ADAMTS6: variants seen among roughly 807,000 people sequenced by gnomAD.
The protein encoded by ADAMTS6 is ADAM metallopeptidase with thrombospondin type 1 motif 6.
Under a neutral mutation model 144.3 loss-of-function variants are expected in ADAMTS6, and 23 were observed. That is an observed-to-expected ratio of 0.16 (90% confidence interval 0.11 to 0.23). ADAMTS6 has a LOEUF of 0.23. ADAMTS6 is among the 10% of genes least tolerant of loss of function. ADAMTS6 has a pLI of 1.00. For synonymous variants in ADAMTS6, 444 were observed against 457.5 expected, an observed-to-expected ratio of 0.97 and a Z score of 0.38; for missense variants, 999 against 1,379.6, an observed-to-expected ratio of 0.72 and a Z score of 4.37.
intron 1 of ADAMTS6, among the ~76,000 whole-genome samples, chr5:65,480,747 T>A (rs1761143235): frequency 6.6e-6 from 1 of 152,194 alleles, no homozygotes; most frequent in Non-Finnish European, 1.5e-5. Flanking sequence ...CGGAGGGTTA[T>A]GAGTCTAGCA....
chr5:65,435,213 TA>T (rs1757297977), intron 7 of ADAMTS6, among the ~76,000 whole-genome samples: 1 of 152,156 alleles, frequency 6.6e-6, no homozygotes, highest in South Asian at 2.1e-4. Context: ...TGTTATTCCT[TA>T]ATCTTTGGGT....
intron 4 of ADAMTS6, among the ~76,000 whole-genome samples, chr5:65,455,252 A>C (rs747658803): frequency 6.6e-6 from 1 of 152,218 alleles, no homozygotes; most frequent in Non-Finnish European, 1.5e-5. Context: ...CTCATTTAAA[A>C]TGTATTCAGG....
chr5:65,362,896 A>C (rs1048039577), intron 7 of ADAMTS6, among the ~76,000 whole-genome samples: 2 of 152,214 alleles, frequency 1.3e-5, no homozygotes, highest in African/African-American at 4.8e-5. Context: ...CTGAATAAAA[A>C]TAATTTGCTT....
chr5:65,172,246 C>G (rs1753678438), intron 23 of ADAMTS6, among the ~76,000 whole-genome samples: 1 of 150,302 alleles, frequency 6.7e-6, no homozygotes, highest in African/African-American at 2.5e-5. Context: ...GTCCCTGTCT[C>G]TACTAAAAAT....
chr5:65,306,824 C>A (rs1743981324), intron 9 of ADAMTS6, among the ~76,000 whole-genome samples: 1 of 152,116 alleles, frequency 6.6e-6, no homozygotes, highest in South Asian at 2.1e-4. Context: ...ATCTCAGATG[C>A]CTTCTTTTGT....
intron 7 of ADAMTS6, among the ~76,000 whole-genome samples, chr5:65,410,779 T>A (rs781715987): frequency 1.3e-5 from 2 of 152,198 alleles, no homozygotes; most frequent in African/African-American, 2.4e-5. Context: ...GCAGTATTTG[T>A]CTTTCTATGC....
intron 24 of ADAMTS6, among the ~76,000 whole-genome samples, chr5:65,159,780 A>G (rs1303069055): frequency 1.3e-5 from 2 of 152,248 alleles, no homozygotes; most frequent in Non-Finnish European, 2.9e-5. Context: ...ATGTTTGCTA[A>G]GTAAATAAAT....
At chr5:65,332,490 T>G (rs1463628753) in intron 8 of ADAMTS6, among the ~76,000 whole-genome samples, 1 of 151,858 alleles carries the variant, frequency 6.6e-6, no homozygotes, top group Non-Finnish European at 1.5e-5. Flanking sequence ...TAATAAATAC[T>G]TAGAGAATCT....
At chr5:65,370,674 G>A (rs984499367) in intron 7 of ADAMTS6, among the ~76,000 whole-genome samples, 2 of 152,174 alleles carry the variant, frequency 1.3e-5, no homozygotes, top group Admixed American at 6.5e-5. Context: ...GAGATCAAAC[G>A]GCAAAGGGCA....
intron 7 of ADAMTS6, among the ~76,000 whole-genome samples, chr5:65,426,982 A>T (rs552749189): frequency 6.6e-6 from 1 of 152,162 alleles, no homozygotes; most frequent in Non-Finnish European, 1.5e-5. Context: ...AACAGAACAA[A>T]CTTTACAGCT....
intron 22 of ADAMTS6, among the ~76,000 whole-genome samples, chr5:65,187,127 G>T (rs927088305): frequency 1.3e-5 from 2 of 152,160 alleles, no homozygotes; most frequent in African/African-American, 4.8e-5. Flanking sequence ...TTGCTAACTT[G>T]AAAGAAATAT....
chr5:65,350,923 C>T (rs1748794611), intron 7 of ADAMTS6, among the ~76,000 whole-genome samples: 1 of 152,194 alleles, frequency 6.6e-6, no homozygotes, highest in Non-Finnish European at 1.5e-5. Flanking sequence ...GCTGGGATTA[C>T]AAGTGTGAGC....
chr5:65,409,246 C>T (rs1217479513), intron 7 of ADAMTS6, among the ~76,000 whole-genome samples: 1 of 152,072 alleles, frequency 6.6e-6, no homozygotes, highest in African/African-American at 2.4e-5. Flanking sequence ...AACTGATAGA[C>T]CGCTAGCAAG....
intron 7 of ADAMTS6, among the ~76,000 whole-genome samples, chr5:65,414,014 C>G (rs1373443942): frequency 6.6e-6 from 1 of 152,130 alleles, no homozygotes; most frequent in Admixed American, 6.5e-5. Flanking sequence ...TGACCACTCC[C>G]TTTTCCTAGG....
chr5:65,271,546 C>T (rs1413592978), intron 12 of ADAMTS6, among the ~76,000 whole-genome samples: 2 of 151,966 alleles, frequency 1.3e-5, no homozygotes, highest in Non-Finnish European at 2.9e-5. Flanking sequence ...CACATATATG[C>T]TATAAGATAT....
chr5:65,170,783 A>C lies in ADAMTS6; in HGVS notation c.3088-10T>G. The C allele has an allele frequency of 6.2e-7, 1 of 1,603,472 alleles. No homozygotes were observed. The highest frequency in any genetic ancestry group is 2.2e-5 in the East Asian group (1 of 44,670). ...CACACTGAGCAGAACACTAAATCCA[A>C]AGACACAAAGAAACAAAATATTAAT... On this transcript the variant is annotated splice_polypyrimidine_tract_variant and intron_variant, in intron 23 of 24. Transcript: ENST00000381055.
intron 22 of ADAMTS6, among the ~76,000 whole-genome samples, chr5:65,185,337 G>T (rs971009270): frequency 1.3e-5 from 2 of 152,202 alleles, no homozygotes; most frequent in African/African-American, 4.8e-5. Context: ...AAATAAACAG[G>T]AGTAACAGTA....
At chr5:65,291,720 C>A (rs1385000301) in intron 10 of ADAMTS6, among the ~76,000 whole-genome samples, 2 of 151,932 alleles carry the variant, frequency 1.3e-5, no homozygotes, top group Non-Finnish European at 2.9e-5. Context: ...TCACGTTGGC[C>A]TTGATTTAAG....
intron 20 of ADAMTS6, among the ~76,000 whole-genome samples, chr5:65,201,199 G>T (rs115064425): frequency 1.1e-3 from 161 of 152,250 alleles, no homozygotes; most frequent in African/African-American, 3.4e-3. Context: ...CTTACTCTAG[G>T]GGGTGGTGAT....
Sources: allele counts gnomAD v4.1 joint callset (sites outside exome capture counted in the v4.1 genomes callset), GRCh38; gene constraint gnomAD v4.1.1; transcripts MANE v1.5; gene names NCBI Gene and HGNC (gene_info 2026-07-23, HGNC 2026-07-21).